The following SH3PXD2B variants were observed in gnomAD, a reference collection of about 807,000 sequenced individuals.
SH3PXD2B encodes the protein SH3 and PX domain-containing protein 2B.
A neutral mutation model predicts 73.1 loss-of-function variants in SH3PXD2B; 37 were observed. The observed-to-expected ratio is 0.51, with a 90% CI of 0.39 to 0.67. The LOEUF is 0.67. SH3PXD2B is among the 30% of genes least tolerant of loss of function. The pLI is 0.00. For synonymous variants in SH3PXD2B, 457 were observed against 480.5 expected (o/e 0.95, Z 0.64); for missense variants, 1,053 against 1,197.8 (o/e 0.88, Z 1.78).
At chr5:172,440,512 T>C (rs915340356) in intron 1 of SH3PXD2B, among the ~76,000 whole-genome samples, 3 of 139,588 alleles carry the variant, frequency 2.1e-5, no homozygotes, top group Non-Finnish European at 3.3e-5. Context: ...AGAAGGAGAA[T>C]TGACACATGT....
intron 5 of SH3PXD2B, among the ~76,000 whole-genome samples, chr5:172,379,705 C>T (rs1199074374): frequency 6.6e-6 from 1 of 152,206 alleles, no homozygotes; most frequent in African/African-American, 2.4e-5. Context: ...AGAATTTTTC[C>T]CTGTGGCAGT....
At chr5:172,420,903 A>C (rs561534158) in intron 2 of SH3PXD2B, among the ~76,000 whole-genome samples, 1 of 151,938 alleles carries the variant, frequency 6.6e-6, no homozygotes, top group African/African-American at 2.4e-5. Context: ...TGAGAGGAAG[A>C]AGCCAGATCA....
rs70982393 is a variant in SH3PXD2B at position 172,359,387 on chromosome 5, CAAA to C, written c.563-513_563-511del. Among the ~76,000 whole-genome samples, 147 of 84,066 alleles carry C rather than the reference CAAA, an allele frequency of 1.7e-3. 3 individuals are homozygous for C. The highest frequency in any genetic ancestry group is 6.1e-3 in the Middle Eastern group (1 of 164). The allele number at this position is 84,066 out of a possible 152,430, so 55.2% of individuals were successfully genotyped here. A position where few individuals can be genotyped will look rare whatever the true frequency, so the allele number is the denominator to read the frequency against. On this transcript the variant is annotated intron_variant, in intron 7 of 12. Coordinates refer to ENST00000311601, the MANE Select transcript of SH3PXD2B (RefSeq NM_001017995.3). ...GGGCGACAGAGTGAGACCCCCATCT[CAAA>C]AAAAAAAAAAAAAAAAAGTATAAAG...
chr5:172,386,459 C>T (rs1758061691), intron 4 of SH3PXD2B, among the ~76,000 whole-genome samples: 1 of 152,144 alleles, frequency 6.6e-6, no homozygotes, highest in African/African-American at 2.4e-5. Context: ...AAAGAATGCC[C>T]CAGAGAAGTA....
chr5:172,425,626 G>C (rs189006087), intron 1 of SH3PXD2B, among the ~76,000 whole-genome samples: 2 of 152,120 alleles, frequency 1.3e-5, no homozygotes, highest in Non-Finnish European at 2.9e-5. Flanking sequence ...GGGGCTGAGC[G>C]GGGGAGGAGG....
At chr5:172,368,748 T>TATATATATTTAATATATAATATAC (rs1200338009) in intron 6 of SH3PXD2B, among the ~76,000 whole-genome samples, 2 of 100,610 alleles carry the variant, frequency 2.0e-5, no homozygotes, top group Admixed American at 1.3e-4. Flanking sequence ...ATATGTAATA[T>TATATATATTTAATATATAATATAC]ATATATATTT....
intron 12 of SH3PXD2B, among the ~76,000 whole-genome samples, chr5:172,325,611 G>T (rs1285576293): frequency 6.6e-6 from 1 of 152,198 alleles, no homozygotes; most frequent in Non-Finnish European, 1.5e-5. Context: ...AAAGGCGGAA[G>T]GGCAAATGGG....
rs1756765697 is a variant in SH3PXD2B at position 172,338,755 on chromosome 5, C to T, written c.2350G>A (p.Glu784Lys). The change falls in exon 13 of 13, where the codon GAA becomes AAA. Residue 784 changes from glutamate (E) to lysine (K), a missense_variant. Glu to Lys is a moderately conservative substitution (Grantham distance 56). Around this residue, in one of 2 missense-constraint regions of SH3PXD2B, gnomAD observed 587 missense variants for 590.7 expected, o/e 0.99. Transcript: ENST00000311601. This position sits in a 1 kb window ranked among gnomAD's most constrained non-coding sequence, Gnocchi z 5.1. ...GGAGCTGCCCTGCTTTCGTGGCCTT[C>T]ACACTGTGGACCTCTGACCTCTGGG... is the stretch of plus-strand genomic sequence containing the variant. The part of the protein sequence containing the change: ...PLPEVRGPQC[E>K]GHESRAAPTP... The T allele has an allele frequency of 1.9e-6, 3 of 1,614,226 alleles. No individual in the cohort carries two copies. Among genetic ancestry groups the T allele is most frequent in the Non-Finnish European group, 2.5e-6 (3 of 1,180,044 alleles).
Position 172,338,599 on chromosome 5 carries a change from T to C in SH3PXD2B, c.2506A>G (p.Arg836Gly), listed in dbSNP as rs1327344968. 5 of 1,614,102 alleles carry C rather than the reference T, an allele frequency of 3.1e-6. No individual in the cohort carries two copies. Among genetic ancestry groups the C allele is most frequent in the Admixed American group, 3.3e-5 (2 of 60,008 alleles). The change falls in exon 13 of 13, where the codon AGG becomes GGG. Residue 836 changes from arginine (R) to glycine (G), a missense_variant. Physicochemically the swap from Arg to Gly is moderately radical, Grantham distance 125. Transcript: ENST00000311601. The surrounding 1 kb of genome is among the most constrained non-coding windows in gnomAD (Gnocchi z 5.1). ...ACAGAGGCTGCAGCTGCTTTCTCCC[T>C]GTTTTCTCCAATCTTGCCGGTCCCC... ...PWGTGKIGEN[R>G]EKAAAASVPN...
In SH3PXD2B at chr5:172,337,741, CG is replaced by C. The variant is rs1756738034; in HGVS notation, c.*627del. ...GAAGGTGGGAGGCAGGGCGGCTGAG[CG>C]GATCTCCAGGCCCACTCCTGGGGGA... On this transcript the variant is annotated 3_prime_UTR_variant, in exon 13 of 13. Coordinates refer to ENST00000311601, the MANE Select transcript of SH3PXD2B (RefSeq NM_001017995.3). The C allele has an allele frequency of 1.0e-6, 1 of 993,434 alleles. No individual in the cohort carries two copies. Among genetic ancestry groups the C allele is most frequent in the Non-Finnish European group, 1.2e-6 (1 of 834,700 alleles). 61.5% of individuals were successfully genotyped at this position (993,434 alleles called of 1,614,324 possible).
At chr5:172,329,378 C>T (rs1581252547), downstream of SH3PXD2B, among the ~76,000 whole-genome samples, 1 of 151,556 alleles carries the variant, frequency 6.6e-6, no homozygotes, top group South Asian at 2.1e-4. Context: ...GCCACTGCAC[C>T]TGGTCACATA....
intron 6 of SH3PXD2B, among the ~76,000 whole-genome samples, chr5:172,371,377 T>G (rs542625329): frequency 6.6e-6 from 1 of 152,304 alleles, no homozygotes; most frequent in East Asian, 1.9e-4. Context: ...TTAGCCAAAG[T>G]CTGTAGGAGC....
chr5:172,347,901 C>T (rs934266266), intron 10 of SH3PXD2B, among the ~76,000 whole-genome samples: 4 of 152,144 alleles, frequency 2.6e-5, no homozygotes, highest in African/African-American at 4.8e-5. Flanking sequence ...ACACTTGGGC[C>T]GATGACTCAG....
intron 6 of SH3PXD2B, among the ~76,000 whole-genome samples, chr5:172,368,551 ATAT>A (rs1757601770): frequency 1.4e-4 from 3 of 20,978 alleles, no homozygotes; most frequent in African/African-American, 3.6e-4. Flanking sequence ...AAATATATAT[ATAT>A]TATATATATA....
At chr5:172,354,550 G>A (rs1158040138) in intron 8 of SH3PXD2B, among the ~76,000 whole-genome samples, 1 of 152,168 alleles carries the variant, frequency 6.6e-6, no homozygotes, top group Non-Finnish European at 1.5e-5. Flanking sequence ...AGACCTGAAG[G>A]CTGGGTGGGA....
intron 1 of SH3PXD2B, among the ~76,000 whole-genome samples, chr5:172,454,034 G>C (rs2113529906): frequency 6.6e-6 from 1 of 151,512 alleles, no homozygotes; most frequent in East Asian, 2.0e-4. Context: ...CCGCAGGGAG[G>C]CGAGTAGGGG....
chr5:172,431,593 C>T (rs1410689460), intron 1 of SH3PXD2B, among the ~76,000 whole-genome samples: 1 of 152,206 alleles, frequency 6.6e-6, no homozygotes, highest in African/African-American at 2.4e-5. Flanking sequence ...GTAAAAAGAA[C>T]AAGCTAAAAC....
In SH3PXD2B at chr5:172,443,349, G is replaced by C. The variant is rs147024948; in HGVS notation, c.75+10929C>G. On this transcript the variant is annotated intron_variant, in intron 1 of 12. Transcript: ENST00000311601. The stretch of plus-strand genomic sequence containing the variant: ...AATGCTAAATTTCAGTCGGAGGTTA[G>C]TGAAAATTAAGATTTAATTCTTCCC... 2.6e-5 allele frequency among the ~76,000 whole-genome samples: 4 copies of C among 152,310 alleles called. No individual in the cohort carries two copies. In the East Asian group the frequency reaches 7.7e-4, roughly 29 times the overall value.
intron 8 of SH3PXD2B, chr5:172,356,923 G>A (rs1043170514): frequency 2.0e-5 from 3 of 152,258 alleles, no homozygotes; most frequent in Non-Finnish European, 4.4e-5. Flanking sequence ...GCATCTTAGG[G>A]AGACCAAGTT....
Sources: allele counts gnomAD v4.1 joint callset (sites outside exome capture counted in the v4.1 genomes callset), GRCh38; gene constraint gnomAD v4.1.1; regional missense constraint gnomAD v4.1.1; non-coding constraint Gnocchi (gnomAD v3.1); transcripts MANE v1.5; gene names NCBI Gene and HGNC (gene_info 2026-07-23, HGNC 2026-07-21).